The following FBLN1 variants were observed in gnomAD, a reference collection of about 807,000 sequenced individuals.
FBLN1 encodes fibulin-1.
A neutral mutation model predicts 89.7 loss-of-function variants in FBLN1; 34 were observed. The ratio of observed to expected loss-of-function variants is 0.38; its 90% CI spans 0.29 to 0.50. The LOEUF is 0.50. FBLN1 is among the 20% of genes least tolerant of loss of function. The probability of loss-of-function intolerance (pLI) is 0.92; values close to 1 mark genes in which losing one functional copy is unlikely to be tolerated. For synonymous variants in FBLN1, 393 were observed against 391.3 expected (o/e 1.00, Z -0.05); for missense variants, 777 against 988.1 (o/e 0.79, Z 2.86).
In FBLN1 at chr22:45,579,312, G is replaced by A. The variant is rs377167298; in HGVS notation, c.1972+2204G>A. ...AGGGGAAACTGAGGCCCGGAAGGGC[G>A]AGGGGGCTTGCCAGTCTTCTTACAG... On this transcript the variant is annotated intron_variant, in intron 16 of 16. Coordinates refer to ENST00000327858, the MANE Select transcript of FBLN1 (RefSeq NM_006486.3). The surrounding 1 kb of genome is among the most constrained non-coding windows in gnomAD (Gnocchi z 5.5). Among the ~76,000 whole-genome samples, 1 of 152,266 alleles carries A rather than the reference G, an allele frequency of 6.6e-6. No individual in the cohort carries two copies. The highest frequency in any genetic ancestry group is 1.5e-5 in the Non-Finnish European group (1 of 68,038).
Position 45,525,646 on chromosome 22 carries a change from GACA to G in FBLN1, c.292_294del (p.Asn98del), listed in dbSNP as rs1412454565. On this transcript the variant is annotated inframe_deletion, in exon 3 of 17. Coordinates refer to ENST00000327858, the MANE Select transcript of FBLN1 (RefSeq NM_006486.3). ...GGACCGCTGTGCCACGCCCCACGGT[GACA>G]ACGCCAGCCTGGAGGCCACATTTGT... is the stretch of plus-strand genomic sequence containing the variant. 6 of 1,551,384 alleles carry G rather than the reference GACA, an allele frequency of 3.9e-6. No homozygotes were observed. Among genetic ancestry groups the G allele is most frequent in the African/African-American group, 1.4e-5 (1 of 73,182 alleles).
intron 1 of FBLN1, among the ~76,000 whole-genome samples, chr22:45,504,088 A>G (rs2087985503): frequency 6.6e-6 from 1 of 152,144 alleles, no homozygotes. Context: ...GACCACCCTC[A>G]GAATCCGAGT....
In FBLN1 at chr22:45,503,428, T is replaced by A. The variant is rs112738796; in HGVS notation, c.79+364T>A. The A allele has an allele frequency of 7.9e-3, 1,298 of 164,682 alleles. 19 individuals are homozygous for A. Among genetic ancestry groups the A allele is most frequent in the African/African-American group, 0.029 (1,228 of 41,972 alleles). 10.2% of individuals were successfully genotyped at this position (164,682 alleles called of 1,614,324 possible). A position where few individuals can be genotyped will look rare whatever the true frequency, so the allele number is the denominator to read the frequency against. ...GGGGGTTACCGAGCCCAGGGCGCCT[T>A]GCACTTGACGCTGGAAGCGCCCTCG... On this transcript the variant is annotated intron_variant, in intron 1 of 16. Coordinates refer to ENST00000327858, the MANE Select transcript of FBLN1 (RefSeq NM_006486.3).
intron 16 of FBLN1, among the ~76,000 whole-genome samples, chr22:45,582,262 G>C (rs2089048697): frequency 6.6e-6 from 1 of 152,188 alleles, no homozygotes; most frequent in African/African-American, 2.4e-5. Context: ...TGTCAGCCGT[G>C]GTTGAGTCTG....
At chr22:45,516,070 G>A (rs181564823) in intron 1 of FBLN1, among the ~76,000 whole-genome samples, 1 of 152,162 alleles carries the variant, frequency 6.6e-6, no homozygotes, top group South Asian at 2.1e-4. Context: ...CGCCAGGCAC[G>A]GGGTGATATG....
rs1480096351 is a variant in FBLN1 at position 45,532,677 on chromosome 22, G to A, written c.545-386G>A. ...TGGGCTTGGAGCAGTGGGACAGCTC[G>A]AGAGTTCAGTGAGGAGCAGGTACAT... is the stretch of plus-strand genomic sequence containing the variant. On this transcript the variant is annotated intron_variant, in intron 5 of 16. Coordinates refer to ENST00000327858, the MANE Select transcript of FBLN1 (RefSeq NM_006486.3). The surrounding 1 kb of genome is among the most constrained non-coding windows in gnomAD (Gnocchi z 4.2). 5.9e-5 allele frequency among the ~76,000 whole-genome samples: 9 copies of A among 152,244 alleles called. No individual in the cohort carries two copies. The highest frequency in any genetic ancestry group is 1.0e-4 in the Non-Finnish European group (7 of 68,010).
At chr22:45,546,258 C>T (rs2088625382) in intron 11 of FBLN1, among the ~76,000 whole-genome samples, 1 of 152,162 alleles carries the variant, frequency 6.6e-6, no homozygotes, top group Non-Finnish European at 1.5e-5. Flanking sequence ...CGCTCTGTCG[C>T]CCAGGCTGGA....
chr22:45,585,624 T>C (rs3788665), intron 16 of FBLN1, among the ~76,000 whole-genome samples: 54,587 of 152,086 alleles, frequency 0.36, 11,702 homozygotes, highest in Admixed American at 0.52. Flanking sequence ...ACACCCTGGC[T>C]GGCAGCCAAG....
chr22:45,556,835 G>A lies in FBLN1; in HGVS notation c.1697+6220G>A, dbSNP rs1222505123. Among the ~76,000 whole-genome samples, 2 of 152,186 alleles carry A rather than the reference G, an allele frequency of 1.3e-5. No homozygotes were observed. The highest frequency in any genetic ancestry group is 2.9e-5 in the Non-Finnish European group (2 of 68,026). The stretch of plus-strand genomic sequence containing the variant: ...TGGAACTAAGACCTCTAGGCCAGCA[G>A]AACGTAATGTTGCAGGAACAGGAAG... On this transcript the variant is annotated intron_variant, in intron 14 of 16. Transcript: ENST00000327858. The surrounding 1 kb of genome is among the most constrained non-coding windows in gnomAD (Gnocchi z 4.6).
At chr22:45,564,495 G>T (rs8136595) in intron 14 of FBLN1, among the ~76,000 whole-genome samples, 1 of 152,162 alleles carries the variant, frequency 6.6e-6, no homozygotes, top group Admixed American at 6.5e-5. Context: ...TGCTGCCTCC[G>T]GCCCTTGGTA....
chr22:45,582,227 G>T (rs1447634408), intron 16 of FBLN1, among the ~76,000 whole-genome samples: 1 of 152,042 alleles, frequency 6.6e-6, no homozygotes, highest in Non-Finnish European at 1.5e-5. Context: ...GTCTATACTA[G>T]CTGGTATCTA....
chr22:45,526,744 G>A (rs1188054678), intron 3 of FBLN1, among the ~76,000 whole-genome samples: 2 of 152,224 alleles, frequency 1.3e-5, no homozygotes, highest in Non-Finnish European at 2.9e-5. Flanking sequence ...CACAGGGCAG[G>A]GCTCTGGCCC....
chr22:45,551,078 C>T (rs890733918), intron 14 of FBLN1: 12 of 262,570 alleles, frequency 4.6e-5, no homozygotes, highest in Non-Finnish European at 6.7e-5. Flanking sequence ...AGCCAGAATT[C>T]GTCCAGCCTG....
rs115375707 is a variant in FBLN1 at position 45,547,071 on chromosome 22, G to A, written c.1322-14G>A. On this transcript the variant is annotated splice_polypyrimidine_tract_variant and intron_variant, in intron 11 of 16. Transcript: ENST00000327858. Reference sequence around the variant, plus strand: ...TATGATGCTCTGAGCGGTGACCCTCGTTTTGTATTTCAGACATCAATGAGT... The same window carrying A: ...TATGATGCTCTGAGCGGTGACCCTCATTTTGTATTTCAGACATCAATGAGT... 962 of 1,613,998 alleles carry A rather than the reference G, an allele frequency of 6.0e-4. 5 individuals are homozygous for A. In the African/African-American group the frequency reaches 6.9e-3, roughly 12 times the overall value.
chr22:45,504,936 A>G (rs1047304249), intron 1 of FBLN1, among the ~76,000 whole-genome samples: 1 of 152,158 alleles, frequency 6.6e-6, no homozygotes, highest in African/African-American at 2.4e-5. Context: ...GGGGCTTTTG[A>G]AGACTGCCTG....
intron 1 of FBLN1, among the ~76,000 whole-genome samples, chr22:45,507,252 G>A (rs28436897): frequency 0.14 from 20,728 of 152,154 alleles, 1,660 homozygotes; most frequent in Middle Eastern, 0.26. Flanking sequence ...GGCACCAGTC[G>A]CCATAGCTTC....
rs567330916 is a variant in FBLN1, at chr22:45,573,183, G to A, written c.1698-1328G>A. On this transcript the variant is annotated intron_variant, in intron 14 of 16. Transcript: ENST00000327858. ...GGAGGTTGCAGTGAGCTGAGATTGC[G>A]CCATTGTACTCCAGCCTGGGTGACG... Among the ~76,000 whole-genome samples, 17 of 151,866 alleles carry A rather than the reference G, an allele frequency of 1.1e-4. 1 individual carries two copies. In the East Asian group the frequency reaches 1.9e-3, roughly 17 times the overall value.
intron 14 of FBLN1, among the ~76,000 whole-genome samples, chr22:45,554,162 G>C (rs762370970): frequency 1.3e-5 from 2 of 152,268 alleles, no homozygotes; most frequent in Non-Finnish European, 2.9e-5. Flanking sequence ...GACGATGGGA[G>C]ACAGTGGAGG....
rs879213611 is a variant in FBLN1 at position 45,600,832 on chromosome 22, CTT to C, written c.*400_*401del. The C allele has an allele frequency of 0.018, 4,539 of 248,216 alleles. No homozygotes were observed. Among genetic ancestry groups the C allele is most frequent in the South Asian group, 0.034 (782 of 22,892 alleles). 15.4% of individuals were successfully genotyped at this position (248,216 alleles called of 1,614,324 possible). A position where few individuals can be genotyped will look rare whatever the true frequency, so the allele number is the denominator to read the frequency against. On this transcript the variant is annotated 3_prime_UTR_variant, in exon 17 of 17. Transcript: ENST00000327858. ...TTGTATGAAATTTGACATTTTGGCA[CTT>C]TTTTTTTTTTTTTGGCCAATCAGAT...
Sources: allele counts gnomAD v4.1 joint callset (sites outside exome capture counted in the v4.1 genomes callset), GRCh38; gene constraint gnomAD v4.1.1; non-coding constraint Gnocchi (gnomAD v3.1); transcripts MANE v1.5; gene names NCBI Gene and HGNC (gene_info 2026-07-23, HGNC 2026-07-21).